The following HS2ST1 variants were observed in gnomAD, a reference collection of about 807,000 sequenced individuals.
The protein encoded by HS2ST1 is heparan sulfate 2-O-sulfotransferase 1, also known as 2-O-sulfotransferase.
A neutral mutation model predicts 42.9 loss-of-function variants in HS2ST1; 18 were observed. The ratio of observed to expected loss-of-function variants is 0.42; its 90% CI spans 0.29 to 0.62. The LOEUF (loss-of-function observed/expected upper bound fraction) is 0.62, where lower values mean the gene tolerates loss of function less well. HS2ST1 is among the 20% of genes least tolerant of loss of function. HS2ST1 has a pLI of 0.21. For missense variants in HS2ST1, 334 were observed against 433.8 expected (o/e 0.77, Z 2.04); for synonymous variants, 146 against 152.9 (o/e 0.95, Z 0.33).
chr1:86,972,538 C>G (rs965629371), intron 1 of HS2ST1, among the ~76,000 whole-genome samples: 8 of 152,112 alleles, frequency 5.3e-5, no homozygotes, highest in Non-Finnish European at 8.8e-5. Context: ...TGCTGTTAAT[C>G]TCTTATTGTG....
At chr1:87,002,230 A>C (rs1649311320) in intron 1 of HS2ST1, among the ~76,000 whole-genome samples, 1 of 152,176 alleles carries the variant, frequency 6.6e-6, no homozygotes, top group South Asian at 2.1e-4. Flanking sequence ...GTATTTTTAA[A>C]ATAACAACTG....
At chr1:87,082,828 G>T (rs1651725352) in intron 2 of HS2ST1, among the ~76,000 whole-genome samples, 1 of 152,070 alleles carries the variant, frequency 6.6e-6, no homozygotes, top group African/African-American at 2.4e-5. Flanking sequence ...CATTTATTTG[G>T]CTCTTTCAGT....
At chr1:86,930,102 T>A (rs920615332) in intron 1 of HS2ST1, among the ~76,000 whole-genome samples, 1 of 140,038 alleles carries the variant, frequency 7.1e-6, no homozygotes, top group African/African-American at 2.9e-5. Context: ...TCTTTTATCA[T>A]ATATATTGCT....
chr1:87,045,237 C>T, intron 1 of HS2ST1: 1 of 1,042,966 alleles, frequency 9.6e-7, no homozygotes. Context: ...ACATCCTTTC[C>T]TAGGTCTTCA....
At chr1:87,085,427 G>T (rs1167847102) in intron 3 of HS2ST1, among the ~76,000 whole-genome samples, 2 of 152,114 alleles carry the variant, frequency 1.3e-5, no homozygotes, top group African/African-American at 4.8e-5. Flanking sequence ...GGGAAATCAT[G>T]TAATTAAAAA....
chr1:87,003,709 CTT>C (rs5775929), intron 1 of HS2ST1, among the ~76,000 whole-genome samples: 3 of 151,622 alleles, frequency 2.0e-5, no homozygotes, highest in Non-Finnish European at 2.9e-5. Flanking sequence ...GATGTACAGA[CTT>C]TTTTTTTTCT....
At chr1:86,938,782 TTAGTATCCAAC>T (rs1419076953) in intron 1 of HS2ST1, among the ~76,000 whole-genome samples, 22 of 152,278 alleles carry the variant, frequency 1.4e-4, no homozygotes, top group African/African-American at 5.1e-4. Context: ...GGGTAACTGA[TTAGTATCCAAC>T]TAGTAGTGGT....
chr1:86,947,159 G>T (rs1316763920), intron 1 of HS2ST1, among the ~76,000 whole-genome samples: 3 of 152,210 alleles, frequency 2.0e-5, no homozygotes, highest in African/African-American at 7.2e-5. Flanking sequence ...TTTTGCTCCA[G>T]AGGGAGACAT....
chr1:86,976,704 G>GTATATATATATA (rs147039703), intron 1 of HS2ST1, among the ~76,000 whole-genome samples: 1,964 of 79,660 alleles, frequency 0.025, 202 homozygotes, highest in East Asian at 0.076. Flanking sequence ...TTATAAAATT[G>GTATATATATATA]TATATATATA....
chr1:87,062,425 A>G (rs1264981388), intron 1 of HS2ST1, among the ~76,000 whole-genome samples: 1 of 152,050 alleles, frequency 6.6e-6, no homozygotes, highest in Non-Finnish European at 1.5e-5. Context: ...TTACCAATTC[A>G]GGTGAAGTAT....
intron 1 of HS2ST1, among the ~76,000 whole-genome samples, chr1:87,031,730 T>G (rs1650243453): frequency 6.6e-6 from 1 of 152,190 alleles, no homozygotes; most frequent in South Asian, 2.1e-4. Flanking sequence ...GAATATATAA[T>G]ATATGGTTGT....
At chr1:87,051,661 C>A (rs554296434) in intron 1 of HS2ST1, among the ~76,000 whole-genome samples, 1 of 152,152 alleles carries the variant, frequency 6.6e-6, no homozygotes, top group African/African-American at 2.4e-5. Flanking sequence ...TAGTTTTTGT[C>A]GATTGATAAC....
intron 1 of HS2ST1, chr1:87,045,135 C>G: frequency 1.2e-6 from 1 of 856,944 alleles, no homozygotes; most frequent in Non-Finnish European, 2.0e-6. Context: ...AGGCTGACCT[C>G]CATCATTACT....
intron 1 of HS2ST1, among the ~76,000 whole-genome samples, chr1:87,017,223 G>T (rs543247059): frequency 6.6e-6 from 1 of 151,912 alleles, no homozygotes; most frequent in Non-Finnish European, 1.5e-5. Context: ...TGCAACCTCC[G>T]CCTCCCAGGT....
intron 1 of HS2ST1, among the ~76,000 whole-genome samples, chr1:87,027,275 A>G (rs959392136): frequency 2.0e-5 from 3 of 152,200 alleles, no homozygotes; most frequent in African/African-American, 7.2e-5. Flanking sequence ...AACTACTGTG[A>G]TTTCATGCCC....
intron 1 of HS2ST1, among the ~76,000 whole-genome samples, chr1:86,964,473 C>G (rs546848240): frequency 6.6e-6 from 1 of 152,282 alleles, no homozygotes; most frequent in South Asian, 2.1e-4. Flanking sequence ...CCGTCTCCAC[C>G]AAAAAAATAC....
chr1:86,986,182 A>G (rs891231595), intron 1 of HS2ST1, among the ~76,000 whole-genome samples: 9 of 151,810 alleles, frequency 5.9e-5, no homozygotes. Flanking sequence ...TTTCTTAAGT[A>G]TGTGATTTAA....
intron 4 of HS2ST1, among the ~76,000 whole-genome samples, 169 bp downstream of exon 4, chr1:87,092,838 A>G (rs1651977118): frequency 6.6e-6 from 1 of 152,004 alleles, no homozygotes; most frequent in Non-Finnish European, 1.5e-5. Context: ...TATATAGCTG[A>G]TATATTGTAA....
chr1:87,049,448 C>T (rs1417079990), intron 1 of HS2ST1, among the ~76,000 whole-genome samples: 5 of 152,018 alleles, frequency 3.3e-5, no homozygotes, highest in African/African-American at 7.2e-5. Flanking sequence ...GCTTCAGTTA[C>T]ATCTTACAAT....
Sources: allele counts gnomAD v4.1 joint callset (sites outside exome capture counted in the v4.1 genomes callset), GRCh38; gene constraint gnomAD v4.1.1; transcripts MANE v1.5; gene names NCBI Gene and HGNC (gene_info 2026-07-23, HGNC 2026-07-21).